Variants in NFAM1 observed in about 807,000 individuals in gnomAD.
The protein encoded by NFAM1 is NFAT activating protein with ITAM motif 1, also known as NFAT activation molecule 1.
Under a neutral mutation model 29.0 loss-of-function variants are expected in NFAM1, and 17 were observed. The observed-to-expected ratio is 0.59, with a 90% CI of 0.40 to 0.88. The LOEUF is 0.88. NFAM1 is among the 40% of genes least tolerant of loss of function. NFAM1 has a pLI of 0.00. For missense variants in NFAM1, 324 were observed against 344.6 expected (o/e 0.94, Z 0.47); for synonymous variants, 175 against 147.2 (o/e 1.19, Z -1.36).
At chr22:42,386,707 C>T (rs1601731393) in intron 5 of NFAM1, among the ~76,000 whole-genome samples, 1 of 152,332 alleles carries the variant, frequency 6.6e-6, no homozygotes, top group East Asian at 1.9e-4. Flanking sequence ...CCTCACTGAA[C>T]ATCTATGAGG....
chr22:42,435,591 C>A (rs1038433287), upstream of NFAM1, among the ~76,000 whole-genome samples: 1 of 152,004 alleles, frequency 6.6e-6, no homozygotes, highest in Non-Finnish European at 1.5e-5. Flanking sequence ...AGGTGATCCG[C>A]CCACCTCAGC....
chr22:42,405,654 T>G (rs546371034), intron 3 of NFAM1, among the ~76,000 whole-genome samples: 8 of 152,260 alleles, frequency 5.3e-5, no homozygotes, highest in African/African-American at 1.9e-4. Context: ...CCTGGGCTCA[T>G]GAAAGCTGAA....
At chr22:42,406,713 G>A (rs1009505347) in intron 3 of NFAM1, among the ~76,000 whole-genome samples, 1 of 152,162 alleles carries the variant, frequency 6.6e-6, no homozygotes, top group African/African-American at 2.4e-5. Context: ...TCACTGGGTG[G>A]TGCATCGTCG....
chr22:42,409,487 C>A lies in NFAM1; in HGVS notation c.512G>T (p.Gly171Val), dbSNP rs780666940. Reference sequence around the variant, plus strand: ...CACTACACTCAGGACACTCAGGAGGCCGGTGAAGCCAAAGAGCAGGAGCTT... The same window carrying A: ...CACTACACTCAGGACACTCAGGAGGACGGTGAAGCCAAAGAGCAGGAGCTT... ...PQKLLLFGFT[G>V]LLSVLSVVGT... Residue 171 changes from glycine (G) to valine (V), a missense_variant, in exon 3 of 6, where the codon GGC becomes GTC. Coordinates refer to ENST00000329021, the MANE Select transcript of NFAM1 (RefSeq NM_145912.8). This position sits in a 1 kb window ranked among gnomAD's most constrained non-coding sequence, Gnocchi z 4.9. 8 of 1,567,994 alleles carry A rather than the reference C, an allele frequency of 5.1e-6. No individual in the cohort carries two copies. The Admixed American group carries it at 1.3e-4, about 25-fold the overall frequency.
At chr22:42,437,299 C>T (rs1464676507), upstream of NFAM1, among the ~76,000 whole-genome samples, 2 of 151,982 alleles carry the variant, frequency 1.3e-5, no homozygotes, top group African/African-American at 4.8e-5. Flanking sequence ...CCCACCACCA[C>T]ACCCGGCTAT....
In NFAM1 at chr22:42,388,626, G is replaced by T. The variant is rs1297160358; in HGVS notation, c.664-1548C>A. 6.6e-6 allele frequency among the ~76,000 whole-genome samples: 1 copy of T among 152,166 alleles called. No individual in the cohort carries two copies. The highest frequency in any genetic ancestry group is 1.5e-5 in the Non-Finnish European group (1 of 68,024). On this transcript the variant is annotated intron_variant, in intron 4 of 5. Coordinates refer to ENST00000329021, the MANE Select transcript of NFAM1 (RefSeq NM_145912.8). This position sits in a 1 kb window ranked among gnomAD's most constrained non-coding sequence, Gnocchi z 4.1. ...GCTGGAGAGACAGGTGGTGCTCAGA[G>T]GCAGGAGGAGGGCGGGAGGCGGGAG... is the stretch of plus-strand genomic sequence containing the variant.
chr22:42,402,155 C>T (rs1396620098), intron 3 of NFAM1, among the ~76,000 whole-genome samples: 1 of 152,222 alleles, frequency 6.6e-6, no homozygotes, highest in African/African-American at 2.4e-5. Context: ...GCCTAGGAAG[C>T]CCCGGGGAAG....
chr22:42,432,409 C>G (rs560434514), upstream of NFAM1: 11 of 1,486,328 alleles, frequency 7.4e-6, no homozygotes, highest in Non-Finnish European at 9.8e-6. Flanking sequence ...AGGGGACGGC[C>G]GGCGCTGACA....
chr22:42,400,826 C>T (rs1171461005), intron 3 of NFAM1, among the ~76,000 whole-genome samples: 1 of 152,224 alleles, frequency 6.6e-6, no homozygotes, highest in East Asian at 1.9e-4. Context: ...AGCTGGGGAC[C>T]TAGTGTCTGT....
rs972749708 is a variant in NFAM1 at position 42,409,495 on chromosome 22, G to A, written c.504C>T (p.Gly168=). The change falls in exon 3 of 6, where the codon GGC becomes GGT. Residue 168 remains glycine (G), a synonymous_variant. Transcript: ENST00000329021. The surrounding 1 kb of genome is among the most constrained non-coding windows in gnomAD (Gnocchi z 4.9). ...TCAGGACACTCAGGAGGCCGGTGAA[G>A]CCAAAGAGCAGGAGCTTCTGTGGAC... is the stretch of plus-strand genomic sequence containing the variant. ...PQSPQKLLLF[G]FTGLLSVLSV... is the part of the protein sequence containing the mutation. 3.8e-6 allele frequency: 6 copies of A among 1,569,414 alleles called. No individual in the cohort carries two copies. Among genetic ancestry groups the A allele is most frequent in the Non-Finnish European group, 5.2e-6 (6 of 1,156,770 alleles).
upstream of NFAM1, among the ~76,000 whole-genome samples, chr22:42,433,785 C>T (rs1429192532): frequency 6.6e-6 from 1 of 152,192 alleles, no homozygotes; most frequent in Non-Finnish European, 1.5e-5. Flanking sequence ...CACAGTGATA[C>T]ATGCTCACAT....
At chr22:42,437,686 A>G in the NFAM1 span, among the ~76,000 whole-genome samples, 627 of 152,198 alleles carry the variant, frequency 4.1e-3, 2 homozygotes, top group African/African-American at 0.014. Context: ...GAACGCCCTC[A>G]CCTGAGATTT....
upstream of NFAM1, among the ~76,000 whole-genome samples, chr22:42,435,311 C>A (rs1930912287): frequency 1.3e-5 from 2 of 151,924 alleles, no homozygotes; most frequent in African/African-American, 4.8e-5. Context: ...CAAATGAGAC[C>A]ACAATTACTG....
intron 1 of NFAM1, among the ~76,000 whole-genome samples, chr22:42,412,583 A>G (rs1930132228): frequency 1.3e-5 from 2 of 152,224 alleles, no homozygotes; most frequent in South Asian, 4.1e-4. Context: ...CTGAGAAGAG[A>G]GAAAGCTGGT....
rs1491236869 is a variant in NFAM1, at chr22:42,419,989, G to GTT, written c.122-8254_122-8253insAA. Reference sequence around the variant, plus strand: ...CCTTTGAGTCTGTAATCCCACTCTTGGTTTTTTTTTTTTTTTTTTTTTTTT... The same window carrying GTT: ...CCTTTGAGTCTGTAATCCCACTCTTGTTGTTTTTTTTTTTTTTTTTTTTTTTT... On this transcript the variant is annotated intron_variant, in intron 1 of 5. Transcript: ENST00000329021. The surrounding 1 kb of genome is among the most constrained non-coding windows in gnomAD (Gnocchi z 4.5). Among the ~76,000 whole-genome samples, 964 of 56,518 alleles carry GTT rather than the reference G, an allele frequency of 0.017. 142 individuals are homozygous for GTT. Among genetic ancestry groups the GTT allele is most frequent in the Non-Finnish European group, 0.023 (671 of 29,684 alleles). 37.1% of individuals were successfully genotyped at this position (56,518 alleles called of 152,430 possible). A position where few individuals can be genotyped will look rare whatever the true frequency, so the allele number is the denominator to read the frequency against.
In NFAM1 at chr22:42,410,935, G is replaced by A. The variant is rs559830080; in HGVS notation, c.451+472C>T. On this transcript the variant is annotated intron_variant, in intron 2 of 5. Transcript: ENST00000329021. ...ACCCAGATGGAGCCCTGGCACAGCC[G>A]TAGGCCGGGGCTCCCTGAAGTGGGT... 2.6e-4 allele frequency among the ~76,000 whole-genome samples: 39 copies of A among 152,094 alleles called. 1 individual carries two copies. The South Asian group carries it at 7.1e-3, about 28-fold the overall frequency.
At chr22:42,416,596 G>T (rs1930267670) in intron 1 of NFAM1, among the ~76,000 whole-genome samples, 1 of 152,210 alleles carries the variant, frequency 6.6e-6, no homozygotes, top group South Asian at 2.1e-4. Context: ...GAGACCACGG[G>T]GTCACAGAAG....
intron 3 of NFAM1, among the ~76,000 whole-genome samples, chr22:42,400,153 G>A (rs1245842310): frequency 4.6e-5 from 7 of 152,246 alleles, no homozygotes. Flanking sequence ...TGACGAGACA[G>A]GAGCTGGAGT....
intron 1 of NFAM1, among the ~76,000 whole-genome samples, chr22:42,412,096 G>A (rs1029102392): frequency 6.6e-6 from 1 of 152,162 alleles, no homozygotes; most frequent in African/African-American, 2.4e-5. Context: ...GCCAGGTGTG[G>A]TAGTGTATGC....
Sources: gnomAD v4.1 joint callset for allele counts (sites outside exome capture counted in the v4.1 genomes callset) on GRCh38, gnomAD v4.1.1 for gene constraint, Gnocchi (gnomAD v3.1) non-coding constraint, MANE v1.5 for transcripts, NCBI Gene and HGNC (gene_info 2026-07-23, HGNC 2026-07-21) for gene names.